Variants in PDE4D observed in about 807,000 individuals in gnomAD.
The protein encoded by PDE4D is phosphodiesterase 4D, also known as 3',5'-cyclic-AMP phosphodiesterase 4D.
In PDE4D, 24 loss-of-function variants were observed where a neutral mutation model predicts 87.4. The ratio of observed to expected loss-of-function variants is 0.27; its 90% CI spans 0.20 to 0.39. The LOEUF (loss-of-function observed/expected upper bound fraction) is 0.39, where lower values mean the gene tolerates loss of function less well. Among genes scored for constraint, PDE4D ranks in the 10% least tolerant of loss-of-function variants. The pLI, the probability that PDE4D is intolerant of heterozygous loss-of-function variation, is 1.00. For missense variants in PDE4D, 714 were observed against 1,041.0 expected, an observed-to-expected ratio of 0.69 and a Z score of 4.32; for synonymous variants, 384 against 383.2, an observed-to-expected ratio of 1.00 and a Z score of -0.02.
rs201412291 is a variant in PDE4D, at chr5:59,822,535, GA to G, written c.455+70632del. On this transcript the variant is annotated intron_variant, in intron 1 of 14. Coordinates refer to ENST00000340635, the MANE Select transcript of PDE4D (RefSeq NM_001104631.2). ...CTTTTAGAAAAAGTGAGTAGAGAGGGAAAGAGTAGACCATGAATGAAATGCT... is the reference window on the plus strand; with the variant it reads ...CTTTTAGAAAAAGTGAGTAGAGAGGGAAGAGTAGACCATGAATGAAATGCT... Among the ~76,000 whole-genome samples the G allele has an allele frequency of 1.5e-3, 235 of 152,244 alleles. 3 individuals are homozygous for G. The East Asian group carries it at 0.039, about 25-fold the overall frequency.
chr5:59,319,839 A>G (rs1457207675), intron 1 of PDE4D, among the ~76,000 whole-genome samples: 1 of 152,056 alleles, frequency 6.6e-6, no homozygotes, highest in Non-Finnish European at 1.5e-5. Flanking sequence ...ATGACTTAAA[A>G]ATTTCCATAT....
chr5:59,325,488 A>C (rs1225468446), intron 1 of PDE4D, among the ~76,000 whole-genome samples: 4 of 152,188 alleles, frequency 2.6e-5, no homozygotes, highest in African/African-American at 9.6e-5. Context: ...GTAGTGTATT[A>C]AACAGTGACA....
chr5:59,150,679 G>A (rs928553220), intron 5 of PDE4D, among the ~76,000 whole-genome samples: 1 of 152,118 alleles, frequency 6.6e-6, no homozygotes, highest in Non-Finnish European at 1.5e-5. Context: ...TAATCCAAAG[G>A]CAGGCAATTC....
intron 1 of PDE4D, among the ~76,000 whole-genome samples, chr5:59,569,379 CAAAG>C (rs1440357411): frequency 2.0e-5 from 3 of 151,950 alleles, no homozygotes; most frequent in Non-Finnish European, 1.5e-5. Flanking sequence ...TTCAAGAAGA[CAAAG>C]AAAGGGATTA....
At chr5:60,377,835 A>G (rs1583572557) in intron 1 of PDE4D, among the ~76,000 whole-genome samples, 1 of 152,240 alleles carries the variant, frequency 6.6e-6, no homozygotes, top group East Asian at 1.9e-4. Flanking sequence ...AGTAAAATAT[A>G]TTAACAGGAT....
intron 1 of PDE4D, among the ~76,000 whole-genome samples, chr5:59,282,750 G>A (rs185512232): frequency 6.6e-6 from 1 of 150,594 alleles, no homozygotes; most frequent in East Asian, 2.0e-4. Context: ...AATGGGAAAT[G>A]TTGAAAATTG....
chr5:60,402,883 A>G (rs1741212197), intron 1 of PDE4D, among the ~76,000 whole-genome samples: 1 of 152,196 alleles, frequency 6.6e-6, no homozygotes, highest in South Asian at 2.1e-4. Flanking sequence ...ATTGGACAGA[A>G]GCTCCCTGTC....
At chr5:60,021,419 C>G (rs534506068) in intron 2 of PDE4D, 64 of 152,294 alleles carry the variant, frequency 4.2e-4, no homozygotes, top group African/African-American at 1.5e-3. Flanking sequence ...GAAAATGTCA[C>G]GCTGTAGCCA....
At chr5:59,895,461 CTG>C (rs1474756670), upstream of PDE4D, among the ~76,000 whole-genome samples, 8 of 152,250 alleles carry the variant, frequency 5.3e-5, no homozygotes, top group Non-Finnish European at 1.5e-5. Context: ...CCACTCTCCA[CTG>C]TGTAGGATTA....
chr5:60,173,883 C>T (rs535504931), intron 2 of PDE4D, among the ~76,000 whole-genome samples: 1 of 152,214 alleles, frequency 6.6e-6, no homozygotes, highest in South Asian at 2.1e-4. Flanking sequence ...CCCACAAATA[C>T]ATGCAGTAAC....
At chr5:60,147,249 A>G (rs575774579) in intron 2 of PDE4D, among the ~76,000 whole-genome samples, 44 of 152,218 alleles carry the variant, frequency 2.9e-4, no homozygotes, top group Non-Finnish European at 6.0e-4. Context: ...CACCTTTGAA[A>G]GTTGGTGCCT....
At chr5:59,761,205 C>T (rs1333308684) in intron 1 of PDE4D, among the ~76,000 whole-genome samples, 1 of 151,978 alleles carries the variant, frequency 6.6e-6, no homozygotes, top group East Asian at 1.9e-4. Context: ...AAATGATATA[C>T]CTGTATGGGG....
chr5:60,065,922 T>G (rs532839584), intron 2 of PDE4D, among the ~76,000 whole-genome samples: 11 of 152,358 alleles, frequency 7.2e-5, no homozygotes, highest in South Asian at 2.1e-4. Flanking sequence ...TATAGCAGCA[T>G]GATTTATAAT....
intron 2 of PDE4D, among the ~76,000 whole-genome samples, chr5:60,110,062 T>C (rs980990305): frequency 6.6e-6 from 1 of 152,114 alleles, no homozygotes; most frequent in Non-Finnish European, 1.5e-5. Flanking sequence ...GTGGTTGCTT[T>C]TCTGGAATGA....
At chr5:59,424,693 C>G (rs931243538) in intron 1 of PDE4D, among the ~76,000 whole-genome samples, 3 of 152,140 alleles carry the variant, frequency 2.0e-5, no homozygotes, top group African/African-American at 7.2e-5. Flanking sequence ...TTACCTGCTA[C>G]TAGGGTCCCT....
chr5:59,029,342 G>T (rs1756856689), intron 6 of PDE4D, among the ~76,000 whole-genome samples: 2 of 150,544 alleles, frequency 1.3e-5, no homozygotes, highest in African/African-American at 4.9e-5. Context: ...GCGTGAACCT[G>T]GGAGGTGGAG....
chr5:60,201,218 A>G (rs994105047), intron 1 of PDE4D, among the ~76,000 whole-genome samples: 4 of 143,416 alleles, frequency 2.8e-5, no homozygotes, highest in African/African-American at 7.4e-5. Flanking sequence ...AAAAAAAAAA[A>G]AAAGAAAGAA....
intron 1 of PDE4D, among the ~76,000 whole-genome samples, chr5:59,566,552 G>C (rs1444797214): frequency 6.7e-6 from 1 of 150,340 alleles, no homozygotes; most frequent in Non-Finnish European, 1.5e-5. Flanking sequence ...GTGTGTGTGT[G>C]TGTGTGTGTG....
chr5:60,027,947 T>C (rs1766811621), intron 2 of PDE4D, among the ~76,000 whole-genome samples: 2 of 152,308 alleles, frequency 1.3e-5, no homozygotes, highest in South Asian at 2.1e-4. Flanking sequence ...AGTTGGAAAA[T>C]TCTGAGAATC....
Sources: allele counts gnomAD v4.1 joint callset (sites outside exome capture counted in the v4.1 genomes callset), GRCh38; gene constraint gnomAD v4.1.1; transcripts MANE v1.5; gene names NCBI Gene and HGNC (gene_info 2026-07-23, HGNC 2026-07-21).